The following DMRT1 variants were observed in gnomAD, a reference collection of about 807,000 sequenced individuals.
DMRT1 encodes the protein doublesex and mab-3 related transcription factor 1, also known as doublesex- and mab-3-related transcription factor 1.
In DMRT1, 7 loss-of-function variants were observed where a neutral mutation model predicts 32.3. The observed-to-expected ratio is 0.22, with a 90% CI of 0.12 to 0.41. The LOEUF is 0.41. Among genes scored for constraint, DMRT1 ranks in the 10% least tolerant of loss-of-function variants. The probability of loss-of-function intolerance (pLI) is 1.00; values close to 1 mark genes in which losing one functional copy is unlikely to be tolerated. For missense variants in DMRT1, 625 were observed against 500.5 expected (o/e 1.25, Z -2.37); for synonymous variants, 278 against 206.1 (o/e 1.35, Z -2.99).
chr9:915,502 C>T (rs995842584), intron 3 of DMRT1, among the ~76,000 whole-genome samples: 1 of 151,926 alleles, frequency 6.6e-6, no homozygotes, highest in African/African-American at 2.4e-5. Flanking sequence ...ATGCAGCTGC[C>T]ACTGGAGGGG....
chr9:894,148 GGCCT>G lies in DMRT1; in HGVS notation c.776_779del (p.Gly259AlafsTer16). 1 of 1,614,090 alleles carries G rather than the reference GGCCT, an allele frequency of 6.2e-7. No individual in the cohort carries two copies. Among genetic ancestry groups the G allele is most frequent in the Non-Finnish European group, 8.5e-7 (1 of 1,180,048 alleles). On this transcript the variant is annotated frameshift_variant, in exon 3 of 5. Transcript: ENST00000382276. LOFTEE classifies it high-confidence loss of function. ...ATCCCCTGTGAAGAACAGCCTTCGG[GGCCT>G]CCCCGGACCTTATGTGCCTGGTCAG...
At chr9:954,193 C>T (rs981831570) in intron 4 of DMRT1, among the ~76,000 whole-genome samples, 2 of 151,994 alleles carry the variant, frequency 1.3e-5, no homozygotes, top group African/African-American at 4.8e-5. Flanking sequence ...TCTTGAAATG[C>T]CAGGCTAGGG....
chr9:922,253 G>A (rs1237712623), intron 4 of DMRT1, among the ~76,000 whole-genome samples: 1 of 151,884 alleles, frequency 6.6e-6, no homozygotes, highest in Non-Finnish European at 1.5e-5. Flanking sequence ...CGGTGGGTTG[G>A]AAACTGGAAA....
chr9:891,569 C>T (rs1817151566), intron 2 of DMRT1, among the ~76,000 whole-genome samples: 1 of 149,568 alleles, frequency 6.7e-6, no homozygotes, highest in South Asian at 2.1e-4. Context: ...GGCTGGAGTG[C>T]AGTGGCCCAA....
At chr9:921,040 A>T (rs1055250954) in intron 4 of DMRT1, among the ~76,000 whole-genome samples, 1 of 152,190 alleles carries the variant, frequency 6.6e-6, no homozygotes, top group Non-Finnish European at 1.5e-5. Context: ...CCTAACATTA[A>T]CTATTAACCA....
chr9:923,385 G>T (rs542470782), intron 4 of DMRT1, among the ~76,000 whole-genome samples: 82 of 152,306 alleles, frequency 5.4e-4, no homozygotes, highest in African/African-American at 1.9e-3. Context: ...GACTTAGCAG[G>T]TTATGTGGCA....
intron 4 of DMRT1, among the ~76,000 whole-genome samples, chr9:931,411 T>A (rs1818720477): frequency 6.6e-6 from 1 of 152,256 alleles, no homozygotes; most frequent in Non-Finnish European, 1.5e-5. Context: ...AGGAATGTGG[T>A]GCATATGGAC....
At chr9:933,732 T>C (rs1327676948) in intron 4 of DMRT1, among the ~76,000 whole-genome samples, 3 of 152,226 alleles carry the variant, frequency 2.0e-5, no homozygotes, top group Non-Finnish European at 4.4e-5. Context: ...TACAAGAGGC[T>C]AGTTATATCG....
intron 2 of DMRT1, among the ~76,000 whole-genome samples, chr9:855,977 C>T (rs1207089176): frequency 2.6e-5 from 4 of 151,990 alleles, no homozygotes; most frequent in African/African-American, 7.3e-5. Context: ...AGTGCAATGG[C>T]ATGATCTCGG....
intron 3 of DMRT1, among the ~76,000 whole-genome samples, chr9:916,538 T>A (rs1818189274): frequency 6.6e-6 from 1 of 152,082 alleles, no homozygotes; most frequent in African/African-American, 2.4e-5. Flanking sequence ...ACCCAAACAA[T>A]TTTTTGATTT....
At chr9:859,511 T>C (rs1020328203) in intron 2 of DMRT1, among the ~76,000 whole-genome samples, 1 of 152,218 alleles carries the variant, frequency 6.6e-6, no homozygotes, top group Non-Finnish European at 1.5e-5. Context: ...CAAAAGCAGC[T>C]ATGCAAATGT....
At chr9:966,796 A>G (rs143685635) in intron 4 of DMRT1, among the ~76,000 whole-genome samples, 4 of 152,336 alleles carry the variant, frequency 2.6e-5, no homozygotes, top group Non-Finnish European at 4.4e-5. Flanking sequence ...TCCAAACATA[A>G]TAAGTATTGA....
chr9:959,065 C>G (rs1176574103), intron 4 of DMRT1, among the ~76,000 whole-genome samples: 3 of 152,230 alleles, frequency 2.0e-5, no homozygotes, highest in Non-Finnish European at 4.4e-5. Flanking sequence ...TGTAGAGTGG[C>G]AAATGTCACA....
intron 4 of DMRT1, among the ~76,000 whole-genome samples, chr9:944,876 G>T (rs1819191868): frequency 6.6e-6 from 1 of 151,544 alleles, no homozygotes; most frequent in Admixed American, 6.6e-5. Context: ...TACTTGCTTT[G>T]GAAAGCACAT....
At chr9:871,554 G>A (rs1329959694) in intron 2 of DMRT1, among the ~76,000 whole-genome samples, 1 of 141,756 alleles carries the variant, frequency 7.1e-6, no homozygotes, top group East Asian at 2.0e-4. Context: ...TGTTAGCCAG[G>A]ATGGTCTCGA....
intron 4 of DMRT1, among the ~76,000 whole-genome samples, chr9:952,970 A>G (rs1036727227): frequency 6.6e-6 from 1 of 152,202 alleles, no homozygotes; most frequent in African/African-American, 2.4e-5. Flanking sequence ...AGATATTCTC[A>G]TAGCCTATAG....
chr9:843,619 G>C (rs933789865), intron 1 of DMRT1, among the ~76,000 whole-genome samples: 2 of 152,158 alleles, frequency 1.3e-5, no homozygotes, highest in African/African-American at 4.8e-5. Context: ...TATTCTAAAA[G>C]GATTTTTGGA....
At chr9:921,031 CTAACAT>C (rs1333027055) in intron 4 of DMRT1, among the ~76,000 whole-genome samples, 1 of 152,134 alleles carries the variant, frequency 6.6e-6, no homozygotes, top group Non-Finnish European at 1.5e-5. Flanking sequence ...TAGAATCCAC[CTAACAT>C]TAACTATTAA....
chr9:873,803 A>G (rs2132614844), intron 2 of DMRT1, among the ~76,000 whole-genome samples: 2 of 152,342 alleles, frequency 1.3e-5, no homozygotes, highest in South Asian at 4.1e-4. Flanking sequence ...TGGAGAGACT[A>G]AGGCTAAAGA....
Sources: gnomAD v4.1 joint callset for allele counts (sites outside exome capture counted in the v4.1 genomes callset) on GRCh38, gnomAD v4.1.1 for gene constraint, MANE v1.5 for transcripts, NCBI Gene and HGNC (gene_info 2026-07-23, HGNC 2026-07-21) for gene names.